Variants in SORBS2 observed in about 807,000 individuals in gnomAD.
SORBS2 encodes sorbin and SH3 domain-containing protein 2.
SORBS2 carries 46 observed loss-of-function variants against 97.7 expected under a neutral mutation model. The observed-to-expected ratio is 0.47, with a 90% CI of 0.37 to 0.60. The LOEUF (loss-of-function observed/expected upper bound fraction) is 0.60. SORBS2 is among the 20% of genes least tolerant of loss of function. SORBS2 has a pLI of 0.00. For synonymous variants in SORBS2, 476 were observed against 473.4 expected, an observed-to-expected ratio of 1.01 and a Z score of -0.07; for missense variants, 1,316 against 1,282.3, an observed-to-expected ratio of 1.03 and a Z score of -0.40.
At chr4:185,774,551 G>A (rs867000927) in intron 2 of SORBS2, 9 of 152,218 alleles carry the variant, frequency 5.9e-5, no homozygotes, top group South Asian at 2.1e-4. Context: ...GGGGAGAGGG[G>A]AGCCACAGAA....
rs1381966567 is a variant in SORBS2 at position 185,590,532 on chromosome 4, T to C, written c.2847-747A>G. On this transcript the variant is annotated intron_variant, in intron 13 of 14. Coordinates refer to ENST00000418609, the Ensembl canonical transcript of SORBS2. ...CAGACTATGGACATAAGTCTCTTTT[T>C]AAAATGAGTCCCAGAAAAATTGTAT... 3.3e-5 allele frequency among the ~76,000 whole-genome samples: 5 copies of C among 152,330 alleles called. No homozygotes were observed. In the East Asian group the frequency reaches 9.6e-4, roughly 29 times the overall value.
chr4:185,904,846 T>C (rs985131854), intron 1 of SORBS2, among the ~76,000 whole-genome samples: 11 of 152,298 alleles, frequency 7.2e-5, no homozygotes, highest in African/African-American at 2.4e-4. Context: ...GGCTCATGCC[T>C]GTAATCCCAG....
At chr4:185,802,402 TG>T (rs1191489951) in intron 1 of SORBS2, among the ~76,000 whole-genome samples, 2 of 152,220 alleles carry the variant, frequency 1.3e-5, no homozygotes, top group Non-Finnish European at 2.9e-5. Context: ...AATGCAAGTA[TG>T]ATTTTTTTAA....
At chr4:185,934,399 C>T (rs563404220) in intron 1 of SORBS2, among the ~76,000 whole-genome samples, 2 of 152,246 alleles carry the variant, frequency 1.3e-5, no homozygotes, top group South Asian at 4.1e-4. Context: ...TAAAGGCATC[C>T]AATTTGCTTT....
At chr4:185,610,962 A>G (rs936510853) in intron 12 of SORBS2, among the ~76,000 whole-genome samples, 7 of 152,142 alleles carry the variant, frequency 4.6e-5, no homozygotes, top group African/African-American at 1.7e-4. Context: ...AATTCATCAG[A>G]AAAATAAGAA....
At position 185,668,399 on chromosome 4, in the gene SORBS2, GTGTA is replaced by G. The variant is rs746494594; in HGVS notation, c.-45-6161_-45-6158del. ...GTTTTGAGTCTTTTAATGCACGTGTGTGTATGGGTGTGTATGTGCGTGTGTGTGT... is the reference window on the plus strand; with the variant it reads ...GTTTTGAGTCTTTTAATGCACGTGTGTGGGTGTGTATGTGCGTGTGTGTGT... On this transcript the variant is annotated intron_variant, in intron 4 of 20. Transcript: ENST00000284776. 1.4e-4 allele frequency among the ~76,000 whole-genome samples: 22 copies of G among 152,338 alleles called. 1 individual carries two copies. The highest frequency in any genetic ancestry group is 3.4e-3 in the Middle Eastern group (1 of 294).
At chr4:185,940,539 T>C (rs2099271449) in intron 1 of SORBS2, among the ~76,000 whole-genome samples, 1 of 152,170 alleles carries the variant, frequency 6.6e-6, no homozygotes, top group Admixed American at 6.5e-5. Context: ...TTTCCTGCTT[T>C]GTCATTCTCT....
exon 8 of SORBS2, chr4:185,620,112 T>A: frequency 6.2e-7 from 1 of 1,612,668 alleles, no homozygotes. Context: ...TCTCCCCATG[T>A]CAGTCAAAGT....
At chr4:185,905,189 G>C (rs7674976) in intron 1 of SORBS2, among the ~76,000 whole-genome samples, 140,268 of 152,168 alleles carry the variant, frequency 0.92, 64,806 homozygotes, top group East Asian at 1. Flanking sequence ...AGTGGAGCAG[G>C]CTTCCCCAAG....
intron 4 of SORBS2, chr4:185,666,232 A>G (rs1201719085): frequency 8.6e-7 from 1 of 1,165,914 alleles, no homozygotes; most frequent in Non-Finnish European, 1.1e-6. Flanking sequence ...AAATAATAAG[A>G]GATAAATTAT....
chr4:185,614,886 G>C (rs1490469573), exon 11 of SORBS2: 2 of 1,614,154 alleles, frequency 1.2e-6, no homozygotes, highest in Non-Finnish European at 1.7e-6. Flanking sequence ...TTTGGCTATA[G>C]CTTCTCCGAT....
intron 2 of SORBS2, among the ~76,000 whole-genome samples, chr4:185,749,387 G>T (rs1241115052): frequency 6.6e-6 from 1 of 152,218 alleles, no homozygotes; most frequent in Non-Finnish European, 1.5e-5. Flanking sequence ...CTGCCTTCTT[G>T]ATATCCCATT....
intron 1 of SORBS2, among the ~76,000 whole-genome samples, chr4:185,953,276 C>T (rs1345321960): frequency 2.6e-5 from 4 of 152,158 alleles, no homozygotes; most frequent in African/African-American, 7.2e-5. Context: ...ATTGCGCCAC[C>T]GCACTCCAGC....
intron 1 of SORBS2, among the ~76,000 whole-genome samples, chr4:185,653,417 T>C (rs917019806): frequency 6.6e-6 from 1 of 152,192 alleles, no homozygotes; most frequent in African/African-American, 2.4e-5. Context: ...CAGTAGGCTG[T>C]AGTGGAAAGA....
chr4:185,780,391 C>A (rs1231300705), intron 1 of SORBS2, among the ~76,000 whole-genome samples: 1 of 152,152 alleles, frequency 6.6e-6, no homozygotes, highest in African/African-American at 2.4e-5. Flanking sequence ...AATAAGGATA[C>A]CTGGTAGCTC....
chr4:185,713,344 A>G (rs547341092), intron 2 of SORBS2, among the ~76,000 whole-genome samples: 9 of 152,234 alleles, frequency 5.9e-5, no homozygotes, highest in African/African-American at 2.2e-4. Flanking sequence ...GCAGTCCTCC[A>G]TGTTTCCTTT....
intron 1 of SORBS2, among the ~76,000 whole-genome samples, chr4:185,800,615 C>T (rs1376949195): frequency 6.6e-6 from 1 of 152,122 alleles, no homozygotes; most frequent in Non-Finnish European, 1.5e-5. Flanking sequence ...GCTGCTGGTG[C>T]CTTCCCCAGG....
intron 7 of SORBS2, among the ~76,000 whole-genome samples, chr4:185,622,645 G>A (rs1276178699): frequency 6.6e-6 from 1 of 152,210 alleles, no homozygotes; most frequent in Non-Finnish European, 1.5e-5. Context: ...CTAATGCTGA[G>A]CTACAAAATG....
chr4:185,633,369 A>G (rs4862555), intron 4 of SORBS2, among the ~76,000 whole-genome samples: 87,237 of 151,882 alleles, frequency 0.57, 25,579 homozygotes, highest in South Asian at 0.66. Context: ...TGAAATTAAT[A>G]ACATAGTTAA....
Sources: gnomAD v4.1 joint callset for allele counts (sites outside exome capture counted in the v4.1 genomes callset) on GRCh38, gnomAD v4.1.1 for gene constraint, MANE v1.5 for transcripts, NCBI Gene and HGNC (gene_info 2026-07-23, HGNC 2026-07-21) for gene names.